Variants in DNAH8 observed in about 807,000 individuals in gnomAD.
DNAH8 encodes the protein axonemal beta dynein heavy chain 8.
Under a neutral mutation model 562.1 loss-of-function variants are expected in DNAH8, and 382 were observed. The ratio of observed to expected loss-of-function variants is 0.68; its 90% confidence interval spans 0.63 to 0.74. The LOEUF (loss-of-function observed/expected upper bound fraction) is 0.74. Among genes scored for constraint, DNAH8 ranks in the 30% least tolerant of loss-of-function variants. DNAH8 has a pLI of 0.00. For synonymous variants in DNAH8, 1,881 were observed against 1,919.4 expected (o/e 0.98, Z 0.52); for missense variants, 5,203 against 5,620.4 (o/e 0.93, Z 2.37).
chr6:38,932,330 G>C (rs1012940609), intron 76 of DNAH8, among the ~76,000 whole-genome samples: 1 of 151,978 alleles, frequency 6.6e-6, no homozygotes, highest in Non-Finnish European at 1.5e-5. Context: ...GAGAGAAAAA[G>C]AAATTCCTCT....
chr6:38,868,675 A>AT (rs11398061), intron 48 of DNAH8, among the ~76,000 whole-genome samples: 32,150 of 146,674 alleles, frequency 0.22, 3,660 homozygotes, highest in East Asian at 0.36. Flanking sequence ...TTACAGCCTG[A>AT]TTTTTTTTTT....
chr6:38,909,192 C>A (rs1237351397), intron 64 of DNAH8, among the ~76,000 whole-genome samples: 1 of 152,170 alleles, frequency 6.6e-6, no homozygotes, highest in African/African-American at 2.4e-5. Flanking sequence ...AACAACTGTT[C>A]CTGCAGCTGT....
intron 82 of DNAH8, among the ~76,000 whole-genome samples, chr6:38,953,896 C>G (rs1762081653): frequency 6.6e-6 from 1 of 151,522 alleles, no homozygotes; most frequent in Non-Finnish European, 1.5e-5. Context: ...GATAAGGCCC[C>G]AGACCTAGTC....
rs749346482 is a variant in DNAH8, at chr6:38,770,418, C to A, written c.1623C>A (p.Cys541Ter). 6.3e-7 allele frequency: 1 copy of A among 1,575,040 alleles called. No homozygotes were observed. The highest frequency in any genetic ancestry group is 1.2e-5 in the South Asian group (1 of 85,338). ...TPVVLKKIQD[C>*]IFLFKEYQAS... ...TTCTTTTACTTTTCTCATAGGACTG[C>A]ATTTTTCTATTCAAGGAATATCAGG... The change falls in exon 12 of 93, where the codon TGC (cysteine) becomes TGA (stop). Residue 541 changes from cysteine to a stop codon, truncating the protein, a stop_gained. Transcript: ENST00000327475. LOFTEE classifies it high-confidence loss of function.
chr6:38,861,029 T>A (rs1026666440), intron 43 of DNAH8, among the ~76,000 whole-genome samples: 2 of 152,368 alleles, frequency 1.3e-5, no homozygotes, highest in Admixed American at 6.5e-5. Context: ...TATGAATAAT[T>A]AGTCAATGGC....
rs562500853 is a variant in DNAH8, at chr6:38,988,092, C to T, written c.13054-1920C>T. Among the ~76,000 whole-genome samples, 20 of 152,304 alleles carry T rather than the reference C, an allele frequency of 1.3e-4. 1 individual carries two copies. The South Asian group carries it at 1.9e-3, about 14-fold the overall frequency. On this transcript the variant is annotated intron_variant, in intron 87 of 92. Transcript: ENST00000327475. ...GAGAAGCAGCTCCACTGTAAACTCACGCCTGCACATGGCATCCTCTGTCCC... is the reference window on the plus strand; with the variant it reads ...GAGAAGCAGCTCCACTGTAAACTCATGCCTGCACATGGCATCCTCTGTCCC...
At chr6:38,766,084 A>G (rs1293748627) in intron 11 of DNAH8, among the ~76,000 whole-genome samples, 1 of 152,080 alleles carries the variant, frequency 6.6e-6, no homozygotes, top group African/African-American at 2.4e-5. Context: ...TGACAGATGA[A>G]TGGATAAAGA....
chr6:38,999,787 T>C (rs557698293), intron 88 of DNAH8, among the ~76,000 whole-genome samples: 1 of 151,732 alleles, frequency 6.6e-6, no homozygotes, highest in South Asian at 2.1e-4. Flanking sequence ...AAGATAGATA[T>C]TTCTAATATC....
intron 56 of DNAH8, among the ~76,000 whole-genome samples, chr6:38,884,776 A>T (rs571158128): frequency 6.6e-6 from 1 of 152,302 alleles, no homozygotes; most frequent in East Asian, 1.9e-4. Flanking sequence ...GAAAAACCAA[A>T]CAACTATTTA....
intron 55 of DNAH8, 120 bp downstream of exon 55, chr6:38,883,576 C>T (rs1018261391): frequency 4.3e-6 from 5 of 1,151,034 alleles, no homozygotes; most frequent in Non-Finnish European, 5.9e-6. Flanking sequence ...AATCATGCTG[C>T]ACTTGGCATT....
Position 38,737,932 on chromosome 6 carries a change from TG to T in DNAH8, c.1078del (p.Glu360ArgfsTer4), listed in dbSNP as rs748882288. 1 of 1,608,838 alleles carries T rather than the reference TG, an allele frequency of 6.2e-7. No individual in the cohort carries two copies. The highest frequency in any genetic ancestry group is 1.1e-5 in the South Asian group (1 of 90,714). ...AASNSETVHQ[L>X]EEVLMVWYKQ... The stretch of plus-strand genomic sequence containing the variant: ...AGCAACTCAGAAACTGTTCATCAGC[TG>T]GAGGAAGTGCTGATGGTATGGTACA... On this transcript the variant is annotated frameshift_variant, in exon 7 of 93. Coordinates refer to ENST00000327475, the MANE Select transcript of DNAH8 (RefSeq NM_001206927.2). LOFTEE classifies it high-confidence loss of function.
At chr6:38,992,441 C>G (rs936553838) in intron 88 of DNAH8, among the ~76,000 whole-genome samples, 11 of 152,176 alleles carry the variant, frequency 7.2e-5, no homozygotes, top group African/African-American at 2.4e-4. Flanking sequence ...CTAAATTCTT[C>G]TAGAGTGTGA....
chr6:38,809,610 C>T (rs554078970), intron 24 of DNAH8, among the ~76,000 whole-genome samples: 33 of 152,056 alleles, frequency 2.2e-4, no homozygotes, highest in Non-Finnish European at 3.7e-4. Flanking sequence ...TTATGTATTA[C>T]CTCTTCATTG....
intron 88 of DNAH8, among the ~76,000 whole-genome samples, chr6:38,999,283 T>C (rs1419689137): frequency 6.6e-6 from 1 of 152,132 alleles, no homozygotes; most frequent in African/African-American, 2.4e-5. Context: ...AGCAAAATGG[T>C]CATCTCTGCA....
rs764696630 is a variant in DNAH8, at chr6:38,857,721, G to A, written c.5937G>A (p.Gln1979=). The A allele has an allele frequency of 8.7e-6, 14 of 1,608,564 alleles. No homozygotes were observed. The highest frequency in any genetic ancestry group is 1.2e-5 in the Non-Finnish European group (14 of 1,176,726). Residue 1979 remains glutamine, a synonymous_variant, in exon 42 of 93, where the codon CAG becomes CAA. Coordinates refer to ENST00000327475, the MANE Select transcript of DNAH8 (RefSeq NM_001206927.2). ...CTCTAATTACCATCCATGTGCATCA[G>A]AGAGATATTTTTGATGACTTGGTAA... is the stretch of plus-strand genomic sequence containing the variant. ...FETLITIHVH[Q]RDIFDDLVKM...
chr6:38,751,126 C>T (rs1411626739), intron 9 of DNAH8, among the ~76,000 whole-genome samples: 1 of 152,194 alleles, frequency 6.6e-6, no homozygotes, highest in Non-Finnish European at 1.5e-5. Flanking sequence ...GCTTCAAAGT[C>T]TCTCATGAGG....
intron 88 of DNAH8, among the ~76,000 whole-genome samples, chr6:38,997,233 C>G (rs1765194490): frequency 6.6e-6 from 1 of 152,174 alleles, no homozygotes; most frequent in Non-Finnish European, 1.5e-5. Context: ...TCTGAAATAT[C>G]TGGTGGATGG....
intron 10 of DNAH8, among the ~76,000 whole-genome samples, chr6:38,756,614 C>T (rs1483396673): frequency 6.6e-6 from 1 of 151,736 alleles, no homozygotes; most frequent in Non-Finnish European, 1.5e-5. Context: ...TGGTGTGCTG[C>T]ACCCATTAAC....
intron 21 of DNAH8, among the ~76,000 whole-genome samples, chr6:38,795,412 T>G (rs1235846149): frequency 1.3e-5 from 2 of 152,082 alleles, no homozygotes; most frequent in African/African-American, 4.8e-5. Flanking sequence ...ACCCCGTCTC[T>G]ACTAAAAATA....
Sources: allele counts gnomAD v4.1 joint callset (sites outside exome capture counted in the v4.1 genomes callset), GRCh38; gene constraint gnomAD v4.1.1; transcripts MANE v1.5; gene names NCBI Gene and HGNC (gene_info 2026-07-23, HGNC 2026-07-21).